ABCB5: variants seen among roughly 807,000 people sequenced by gnomAD.
ABCB5 encodes the protein ATP-binding cassette sub-family B member 5.
In ABCB5, 155 loss-of-function variants were observed where a neutral mutation model predicts 144.2. The observed-to-expected ratio is 1.08, with a 90% CI of 0.94 to 1.23. The LOEUF (loss-of-function observed/expected upper bound fraction) is 1.23, where lower values mean the gene tolerates loss of function less well. Ranked by LOEUF, ABCB5 falls within the 50% of genes most tolerant of loss-of-function variation. ABCB5 has a pLI of 0.00. For missense variants in ABCB5, 1,830 were observed against 1,520.8 expected, an observed-to-expected ratio of 1.20 and a Z score of -3.38; for synonymous variants, 610 against 528.6, an observed-to-expected ratio of 1.15 and a Z score of -2.11.
chr7:20,717,548 T>C (rs1469610348), intron 20 of ABCB5, among the ~76,000 whole-genome samples: 1 of 151,730 alleles, frequency 6.6e-6, no homozygotes, highest in African/African-American at 2.4e-5. Flanking sequence ...GTTCAAGCGA[T>C]TCTCCTGCCT....
chr7:20,628,610 C>T, intron 3 of ABCB5, 78 bp from the exon 4 acceptor site: 3 of 1,291,956 alleles, frequency 2.3e-6, no homozygotes, highest in Non-Finnish European at 3.2e-6. Flanking sequence ...AGGCTGTAGG[C>T]TGTTGTGTGT....
intron 20 of ABCB5, among the ~76,000 whole-genome samples, chr7:20,715,106 A>G (rs6961718): frequency 0.028 from 4,320 of 152,248 alleles, 185 homozygotes; most frequent in African/African-American, 0.094. Context: ...GTGCAGTGGC[A>G]TGATCTCAAC....
chr7:20,705,805 G>GTT (rs111586365), intron 20 of ABCB5, among the ~76,000 whole-genome samples: 26 of 142,346 alleles, frequency 1.8e-4, no homozygotes, highest in African/African-American at 6.3e-4. Context: ...GTTCTAAGTT[G>GTT]TTTTTTTTTT....
intron 21 of ABCB5, among the ~76,000 whole-genome samples, chr7:20,725,820 A>G (rs1782019407): frequency 6.6e-6 from 1 of 152,118 alleles, no homozygotes; most frequent in South Asian, 2.1e-4. Flanking sequence ...ATACTATGGA[A>G]TGTTACAAAT....
intron 20 of ABCB5, among the ~76,000 whole-genome samples, chr7:20,722,205 C>A (rs1348796167): frequency 1.3e-5 from 2 of 152,100 alleles, no homozygotes; most frequent in African/African-American, 4.8e-5. Flanking sequence ...GAAGAGATGG[C>A]AGGGTGTTAG....
intron 27 of ABCB5, 35 bp downstream of exon 27, chr7:20,753,541 C>T: frequency 6.3e-7 from 1 of 1,586,182 alleles, no homozygotes; most frequent in Non-Finnish European, 8.6e-7. Flanking sequence ...GAATATAATA[C>T]CAAATATAAG....
intron 14 of ABCB5, among the ~76,000 whole-genome samples, chr7:20,669,723 T>TAAA (rs35747177): frequency 9.8e-4 from 64 of 65,544 alleles, no homozygotes; most frequent in African/African-American, 2.5e-3. Context: ...GAATGATCAA[T>TAAA]AAAAAAAAAA....
intron 16 of ABCB5, among the ~76,000 whole-genome samples, chr7:20,686,298 G>A (rs887081033): frequency 6.6e-6 from 1 of 152,136 alleles, no homozygotes; most frequent in Admixed American, 6.5e-5. Context: ...GGGAGTATTT[G>A]TTCCCATGCT....
At chr7:20,684,032 G>C (rs543586751) in intron 15 of ABCB5, among the ~76,000 whole-genome samples, 121 of 152,262 alleles carry the variant, frequency 7.9e-4, no homozygotes, top group African/African-American at 2.8e-3. Flanking sequence ...CCTTTAACAA[G>C]AGGGAAATGG....
intron 13 of ABCB5, among the ~76,000 whole-genome samples, chr7:20,652,393 A>C (rs2285556): frequency 0.16 from 23,997 of 151,998 alleles, 2,323 homozygotes; most frequent in Non-Finnish European, 0.21. Context: ...CATGGTGAAA[A>C]TTCATCTCTA....
chr7:20,699,741 A>T, intron 17 of ABCB5, 84 bp from the exon 18 acceptor site: 1 of 865,004 alleles, frequency 1.2e-6, no homozygotes, highest in Non-Finnish European at 1.8e-6. Flanking sequence ...GTATTTTAAA[A>T]CTCCTGATAT....
intron 5 of ABCB5, among the ~76,000 whole-genome samples, chr7:20,640,157 T>C (rs1015449301): frequency 2.0e-5 from 3 of 152,226 alleles, no homozygotes; most frequent in East Asian, 1.9e-4. Flanking sequence ...TGTTCCATCC[T>C]ATCCTTGAAT....
chr7:20,745,246 G>A lies in ABCB5; in HGVS notation c.3237G>A (p.Val1079=). Residue 1079 remains valine (V), a synonymous_variant, in exon 26 of 28, where the codon GTG becomes GTA. Coordinates refer to ENST00000404938, the MANE Select transcript of ABCB5 (RefSeq NM_001163941.2). The part of the protein sequence containing the change: ...PVQGQVLFDG[V]DAKELNVQWL... ...GCTTTTGGCAGCTGTTTGATGGTGT[G>A]GATGCAAAAGAATTGAATGTACAGT... The A allele has an allele frequency of 6.2e-7, 1 of 1,613,896 alleles. No homozygotes were observed. Among genetic ancestry groups the A allele is most frequent in the African/African-American group, 1.3e-5 (1 of 75,020 alleles).
intron 17 of ABCB5, among the ~76,000 whole-genome samples, chr7:20,699,591 C>T (rs951138366): frequency 6.6e-6 from 1 of 151,896 alleles, no homozygotes; most frequent in Non-Finnish European, 1.5e-5. Context: ...ATCCCAGCTA[C>T]TCGGGAGGCT....
rs375651489 is a variant in ABCB5 at position 20,687,370 on chromosome 7, G to A, written c.2010+1534G>A. On this transcript the variant is annotated intron_variant, in intron 16 of 27. Transcript: ENST00000404938. ...TTGGTTTACAATCTGATACAACTACGTGCTCCACACATGGAAACTGATAAA... is the reference window on the plus strand; with the variant it reads ...TTGGTTTACAATCTGATACAACTACATGCTCCACACATGGAAACTGATAAA... 3.1e-4 allele frequency among the ~76,000 whole-genome samples: 47 copies of A among 152,286 alleles called. No individual in the cohort carries two copies. The East Asian group carries it at 9.1e-3, about 29-fold the overall frequency.
intron 2 of ABCB5, 33 bp downstream of exon 2, chr7:20,623,371 C>T: frequency 1.3e-6 from 2 of 1,496,990 alleles, no homozygotes; most frequent in Non-Finnish European, 1.8e-6. Flanking sequence ...AAGTATGCTT[C>T]CACAACTTCA....
rs555500971 is a variant in ABCB5 at position 20,723,341 on chromosome 7, G to C, written c.2625+122G>C. On this transcript the variant is annotated intron_variant, in intron 21 of 27. Transcript: ENST00000404938. ...TGATATATTAACTTCATCTCTTAGGGATCTGTAAAGTGATATGTATAGAGA... is the reference window on the plus strand; with the variant it reads ...TGATATATTAACTTCATCTCTTAGGCATCTGTAAAGTGATATGTATAGAGA... 40 of 1,018,634 alleles carry C rather than the reference G, an allele frequency of 3.9e-5. No homozygotes were observed. The African/African-American group carries it at 5.5e-4, about 14-fold the overall frequency. 63.1% of individuals were successfully genotyped at this position (1,018,634 alleles called of 1,614,324 possible).
chr7:20,671,722 G>A (rs1377689014), intron 14 of ABCB5, among the ~76,000 whole-genome samples: 1 of 152,178 alleles, frequency 6.6e-6, no homozygotes. Flanking sequence ...TGGTATGGAT[G>A]CTCATTTGAA....
intron 16 of ABCB5, among the ~76,000 whole-genome samples, chr7:20,694,145 T>C (rs768018167): frequency 1.5e-4 from 22 of 150,896 alleles, no homozygotes; most frequent in Non-Finnish European, 3.1e-4. Context: ...ATTACTCTGA[T>C]ATCAAAATTA....
Sources: allele counts gnomAD v4.1 joint callset (sites outside exome capture counted in the v4.1 genomes callset), GRCh38; gene constraint gnomAD v4.1.1; transcripts MANE v1.5; gene names NCBI Gene and HGNC (gene_info 2026-07-23, HGNC 2026-07-21).